Variants in ADH5 observed in about 807,000 individuals in gnomAD.
The protein encoded by ADH5 is alcohol dehydrogenase class-3.
ADH5 carries 32 observed loss-of-function variants against 40.3 expected under a neutral mutation model. The observed-to-expected ratio is 0.79, with a 90% CI of 0.60 to 1.07. ADH5 has a LOEUF of 1.07. Among genes scored for constraint, ADH5 ranks in the 50% least tolerant of loss-of-function variants. ADH5 has a pLI of 0.00. For missense variants in ADH5, 353 were observed against 460.5 expected, an observed-to-expected ratio of 0.77 and a Z score of 2.14; for synonymous variants, 125 against 154.3, an observed-to-expected ratio of 0.81 and a Z score of 1.41.
At chr4:99,080,109 CAA>C in intron 4 of ADH5, 1 of 359,884 alleles carries the variant, frequency 2.8e-6, no homozygotes, top group East Asian at 9.2e-5. Context: ...GAGACACTCA[CAA>C]CAGAAACACT....
chr4:99,079,436 AAG>A (rs398063853), intron 4 of ADH5, among the ~76,000 whole-genome samples: 1 of 32 alleles, frequency 0.031, no homozygotes, highest in Non-Finnish European at 0.056. Flanking sequence ...CAGTGAAAGG[AAG>A]AATCAGGACA....
At position 99,084,899 on chromosome 4, in the gene ADH5, GC is replaced by G. The variant is rs28730580; in HGVS notation, c.114+215del. On this transcript the variant is annotated intron_variant, in intron 2 of 8. Transcript: ENST00000296412. Reference sequence around the variant, plus strand: ...AATCCAGTGACCCATGGGGATAGCTGCTCAGCCCAAGATCAAAACTAAAAGA... The same window carrying G: ...AATCCAGTGACCCATGGGGATAGCTGTCAGCCCAAGATCAAAACTAAAAGA... Among the ~76,000 whole-genome samples, 695 of 152,326 alleles carry G rather than the reference GC, an allele frequency of 4.6e-3. 4 individuals are homozygous for G. The highest frequency in any genetic ancestry group is 0.016 in the African/African-American group (673 of 41,572).
intron 6 of ADH5, 182 bp from the exon 7 acceptor site, chr4:99,075,231 T>C (rs1391240842): frequency 3.0e-5 from 13 of 429,326 alleles, no homozygotes; most frequent in Non-Finnish European, 4.1e-5. Flanking sequence ...TGTTGTTTTT[T>C]TTTTTTTTGA....
intron 1 of ADH5, chr4:99,085,598 T>C: frequency 2.7e-6 from 1 of 367,084 alleles, no homozygotes; most frequent in South Asian, 2.2e-5. Context: ...ATTCTTTTGC[T>C]CAGGCTGTTC....
rs769859421 is a variant in ADH5 at position 99,088,747 on chromosome 4, C to G, written c.-47G>C. ...CGGGGGGCTGACATCCGGGGTGGGC[C>G]GCGCAGCGACGGAGGCATGGGCGTG... is the stretch of plus-strand genomic sequence containing the variant. On this transcript the variant is annotated 5_prime_UTR_variant, in exon 1 of 9. Coordinates refer to ENST00000296412, the MANE Select transcript of ADH5 (RefSeq NM_000671.4). 21 of 1,564,736 alleles carry G rather than the reference C, an allele frequency of 1.3e-5. No individual in the cohort carries two copies. The highest frequency in any genetic ancestry group is 2.3e-5 in the South Asian group (2 of 86,020).
intron 4 of ADH5, among the ~76,000 whole-genome samples, chr4:99,080,185 G>C (rs1728002406): frequency 6.6e-6 from 1 of 152,048 alleles, no homozygotes. Flanking sequence ...AAAACTTATT[G>C]GTTCTTTTCT....
rs548853482 is a variant in ADH5, at chr4:99,072,510, C to T, written c.1100+63G>A. 8 of 1,608,634 alleles carry T rather than the reference C, an allele frequency of 5.0e-6. No homozygotes were observed. The African/African-American group carries it at 6.7e-5, about 13-fold the overall frequency. On this transcript the variant is annotated intron_variant, in intron 8 of 8. Transcript: ENST00000296412. ...AGACAACTAAAATTGTGTTTTTCGA[C>T]TCTCCATCCCCTCAAACTCAACATC...
Position 99,071,310 on chromosome 4 carries a change from C to G in ADH5, c.*1107G>C, listed in dbSNP as rs1039166750. The G allele has an allele frequency of 5.9e-5, 9 of 152,228 alleles. No individual in the cohort carries two copies. 9.4% of individuals were successfully genotyped at this position (152,228 alleles called of 1,614,324 possible). On this transcript the variant is annotated 3_prime_UTR_variant, in exon 9 of 9. Transcript: ENST00000296412. Reference sequence around the variant, plus strand: ...ACTTTGAAGAGCAATTTGGCAATGTCTATAAGGCTAAATGTGTTTATTCTG... The same window carrying G: ...ACTTTGAAGAGCAATTTGGCAATGTGTATAAGGCTAAATGTGTTTATTCTG...
chr4:99,076,241 C>A (rs760878534), intron 6 of ADH5, 51 bp downstream of exon 6: 3 of 1,576,444 alleles, frequency 1.9e-6, no homozygotes, highest in Admixed American at 1.8e-5. Flanking sequence ...TAAAACTGCA[C>A]TTCAAAAAAA....
At chr4:99,073,533 A>G (rs777149025) in intron 7 of ADH5, among the ~76,000 whole-genome samples, 10 of 152,226 alleles carry the variant, frequency 6.6e-5, no homozygotes, top group Non-Finnish European at 1.0e-4. Flanking sequence ...GTATCTAAAG[A>G]AGGAATACAA....
chr4:99,088,606 G>C (rs1188229154), intron 1 of ADH5, 83 bp downstream of exon 1: 3 of 1,392,134 alleles, frequency 2.2e-6, no homozygotes, highest in Non-Finnish European at 2.9e-6. Flanking sequence ...GCCGAGCCTC[G>C]CGCGCCCCCG....
chr4:99,082,745 C>T (rs988989814), intron 2 of ADH5, among the ~76,000 whole-genome samples: 1 of 152,156 alleles, frequency 6.6e-6, no homozygotes, highest in African/African-American at 2.4e-5. Flanking sequence ...GGCATGATCT[C>T]GGCTCACTGC....
At chr4:99,077,007 C>G in intron 4 of ADH5, 84 bp from the exon 5 acceptor site, 1 of 977,722 alleles carries the variant, frequency 1.0e-6, no homozygotes. Flanking sequence ...AAAATAATGA[C>G]CAGTAAATAT....
intron 7 of ADH5, among the ~76,000 whole-genome samples, chr4:99,074,339 C>T (rs1389551473): frequency 6.6e-6 from 1 of 152,124 alleles, no homozygotes; most frequent in Non-Finnish European, 1.5e-5. Flanking sequence ...AACTGTTTCC[C>T]CGCAACCCCA....
chr4:99,071,481 C>T lies in ADH5; in HGVS notation c.*936G>A, dbSNP rs28730651. 1 of 152,254 alleles carries T rather than the reference C, an allele frequency of 6.6e-6. No homozygotes were observed. The highest frequency in any genetic ancestry group is 1.5e-5 in the Non-Finnish European group (1 of 68,022). 9.4% of individuals were successfully genotyped at this position (152,254 alleles called of 1,614,324 possible). On this transcript the variant is annotated 3_prime_UTR_variant, in exon 9 of 9. Transcript: ENST00000296412. ...GTTCCCGTAATTGAATTCTGCTACA[C>T]AGGACTAAAATTAATGAACGAGAGC...
intron 1 of ADH5, among the ~76,000 whole-genome samples, chr4:99,086,939 CAAAAA>C (rs58359709): frequency 1.6e-5 from 1 of 64,266 alleles, no homozygotes; most frequent in Admixed American, 2.3e-4. Flanking sequence ...GACTGCGTCT[CAAAAA>C]AAAAAAAAAA....
At chr4:99,081,660 CAAT>C in intron 3 of ADH5, 2 of 571,012 alleles carry the variant, frequency 3.5e-6, no homozygotes, top group African/African-American at 3.7e-5. Context: ...ACTCTTTAAA[CAAT>C]AACTGAAGAA....
chr4:99,081,286 C>A, intron 4 of ADH5, 79 bp downstream of exon 4: 1 of 862,758 alleles, frequency 1.2e-6, no homozygotes, highest in Non-Finnish European at 1.8e-6. Context: ...AATAATTCCT[C>A]CTCAACCCCT....
At chr4:99,076,020 G>GCT (rs1727918575) in intron 6 of ADH5, 10 of 372,874 alleles carry the variant, frequency 2.7e-5, no homozygotes, top group South Asian at 2.5e-4. Context: ...CAAAGATCAT[G>GCT]CTCTGCACAA....
Sources: allele counts gnomAD v4.1 joint callset (sites outside exome capture counted in the v4.1 genomes callset), GRCh38; gene constraint gnomAD v4.1.1; transcripts MANE v1.5; gene names NCBI Gene and HGNC (gene_info 2026-07-23, HGNC 2026-07-21).